Variants in GPHN observed in about 807,000 individuals in gnomAD.
GPHN encodes the protein gephyrin.
In GPHN, 17 loss-of-function variants were observed where a neutral mutation model predicts 95.5. The observed-to-expected ratio is 0.18, with a 90% confidence interval of 0.12 to 0.27. The LOEUF is 0.27. Ranked by LOEUF, GPHN falls within the 10% of genes least tolerant of loss-of-function variation. The pLI is 1.00. For synonymous variants in GPHN, 320 were observed against 322.5 expected, an observed-to-expected ratio of 0.99 and a Z score of 0.08; for missense variants, 660 against 978.1, an observed-to-expected ratio of 0.67 and a Z score of 4.34.
At chr14:67,245,210 A>T in the GPHN span, among the ~76,000 whole-genome samples, 1 of 152,250 alleles carries the variant, frequency 6.6e-6, no homozygotes, top group East Asian at 1.9e-4. Context: ...ACATTGGCAT[A>T]GGAAACTAAT....
chr14:67,674,331 G>A, the GPHN span: 1 of 1,500,230 alleles, frequency 6.7e-7, no homozygotes, highest in South Asian at 1.2e-5. Flanking sequence ...CTTCCAAAGC[G>A]CGCAGGGCTG....
the GPHN span, among the ~76,000 whole-genome samples, chr14:67,437,012 C>T: frequency 3.9e-5 from 6 of 152,202 alleles, no homozygotes; most frequent in Non-Finnish European, 8.8e-5. Context: ...GCCATGATTG[C>T]ACCACTGCAC....
intron 10 of GPHN, among the ~76,000 whole-genome samples, chr14:67,043,600 A>C (rs984305523): frequency 4.6e-5 from 7 of 152,038 alleles, no homozygotes; most frequent in Admixed American, 6.6e-5. Flanking sequence ...GGTGGATAAG[A>C]TTTTTGATGT....
At chr14:66,638,452 A>G (rs1165217613) in intron 1 of GPHN, among the ~76,000 whole-genome samples, 3 of 152,086 alleles carry the variant, frequency 2.0e-5, no homozygotes, top group African/African-American at 7.2e-5. Flanking sequence ...CAAGAACAAC[A>G]ACGACAACAA....
the GPHN span, among the ~76,000 whole-genome samples, chr14:67,541,115 C>T: frequency 6.6e-6 from 1 of 152,046 alleles, no homozygotes; most frequent in Non-Finnish European, 1.5e-5. Flanking sequence ...ATGGATGATT[C>T]GATGATAACA....
At chr14:67,422,753 T>C in the GPHN span, among the ~76,000 whole-genome samples, 2 of 151,942 alleles carry the variant, frequency 1.3e-5, no homozygotes, top group Non-Finnish European at 2.9e-5. Context: ...TGTTGTTAGT[T>C]ACTTAATGAG....
chr14:67,708,398 A>T, the GPHN span, among the ~76,000 whole-genome samples: 10 of 152,180 alleles, frequency 6.6e-5, no homozygotes, highest in East Asian at 1.2e-3. Context: ...CTCCAAAGTT[A>T]TCAGAAACCT....
chr14:67,089,622 G>C (rs1309941241), intron 12 of GPHN, among the ~76,000 whole-genome samples: 1 of 152,126 alleles, frequency 6.6e-6, no homozygotes, highest in African/African-American at 2.4e-5. Context: ...GAAAACATCT[G>C]ATGGTCTAAG....
At chr14:66,522,842 T>A (rs1184507713) in intron 1 of GPHN, among the ~76,000 whole-genome samples, 1 of 152,036 alleles carries the variant, frequency 6.6e-6, no homozygotes, top group Non-Finnish European at 1.5e-5. Flanking sequence ...TATTCTTATT[T>A]GATTCTGAAA....
At chr14:67,510,681 T>C in the GPHN span, among the ~76,000 whole-genome samples, 1 of 152,342 alleles carries the variant, frequency 6.6e-6, no homozygotes, top group South Asian at 2.1e-4. Context: ...ACCAATGCTC[T>C]GGCTGCCTTA....
At chr14:66,707,021 A>G (rs2069137341) in intron 2 of GPHN, among the ~76,000 whole-genome samples, 1 of 151,598 alleles carries the variant, frequency 6.6e-6, no homozygotes, top group Non-Finnish European at 1.5e-5. Context: ...CACTTCTCAA[A>G]AGAAGACATA....
the GPHN span, among the ~76,000 whole-genome samples, chr14:67,349,266 T>G: frequency 0.15 from 23,595 of 152,226 alleles, 3,460 homozygotes; most frequent in East Asian, 0.42. Flanking sequence ...AAGTCATTAC[T>G]GCTAGAGGAG....
chr14:67,024,827 A>G (rs1019376218), intron 10 of GPHN, among the ~76,000 whole-genome samples: 1 of 152,080 alleles, frequency 6.6e-6, no homozygotes, highest in Admixed American at 6.5e-5. Flanking sequence ...TCTTTATTTC[A>G]CAATAAAAAA....
At chr14:67,499,285 T>G in the GPHN span, among the ~76,000 whole-genome samples, 1 of 152,226 alleles carries the variant, frequency 6.6e-6, no homozygotes, top group Non-Finnish European at 1.5e-5. Flanking sequence ...ATTATAAGTA[T>G]GGGCCACTGT....
the GPHN span, among the ~76,000 whole-genome samples, chr14:67,314,612 A>ATGG: frequency 4.6e-5 from 7 of 152,330 alleles, no homozygotes; most frequent in South Asian, 1.4e-3. Context: ...AAATATCAGT[A>ATGG]TGGTGTCTTC....
chr14:66,683,356 A>G (rs377692418), intron 2 of GPHN, among the ~76,000 whole-genome samples: 3 of 44,670 alleles, frequency 6.7e-5, no homozygotes, highest in East Asian at 7.4e-4. Context: ...ATATATATAT[A>G]TATATATATA....
chr14:66,541,024 T>C (rs183197144), intron 1 of GPHN, among the ~76,000 whole-genome samples: 1 of 152,170 alleles, frequency 6.6e-6, no homozygotes, highest in Non-Finnish European at 1.5e-5. Flanking sequence ...CTTGGCTCAC[T>C]GCAACCTCTG....
At chr14:66,702,470 C>T (rs1308180134) in intron 2 of GPHN, among the ~76,000 whole-genome samples, 1 of 152,168 alleles carries the variant, frequency 6.6e-6, no homozygotes, top group Admixed American at 6.6e-5. Flanking sequence ...GTTCTCCAGC[C>T]TCCTTGAGAC....
rs184637251 is a variant in GPHN at position 66,980,276 on chromosome 14, G to A, written c.963+14951G>A. Among the ~76,000 whole-genome samples the A allele has an allele frequency of 3.9e-5, 6 of 152,242 alleles. No homozygotes were observed. In the East Asian group the frequency reaches 9.6e-4, roughly 24 times the overall value. Reference sequence around the variant, plus strand: ...AATTATCCATGAAGCACGGTAAAACGAGGTATGCCTGTATACCACAGCATT... The same window carrying A: ...AATTATCCATGAAGCACGGTAAAACAAGGTATGCCTGTATACCACAGCATT... On this transcript the variant is annotated intron_variant, in intron 9 of 22. Transcript: ENST00000478722.
Sources: gnomAD v4.1 joint callset for allele counts (sites outside exome capture counted in the v4.1 genomes callset) on GRCh38, gnomAD v4.1.1 for gene constraint, MANE v1.5 for transcripts, NCBI Gene and HGNC (gene_info 2026-07-23, HGNC 2026-07-21) for gene names.